Variants in CCNB1IP1 observed in about 807,000 individuals in gnomAD.
CCNB1IP1 encodes the protein cyclin B1 interacting protein 1.
CCNB1IP1 carries 14 observed loss-of-function variants against 25.6 expected under a neutral mutation model. The ratio of observed to expected loss-of-function variants is 0.55; its 90% CI spans 0.36 to 0.85. CCNB1IP1 has a LOEUF of 0.85. Among genes scored for constraint, CCNB1IP1 ranks in the 40% least tolerant of loss-of-function variants. The pLI is 0.01. For synonymous variants in CCNB1IP1, 119 were observed against 116.1 expected (o/e 1.02, Z -0.16); for missense variants, 278 against 342.4 (o/e 0.81, Z 1.48).
At chr14:20,312,344 A>G (rs3784243) in intron 6 of CCNB1IP1, among the ~76,000 whole-genome samples, 9,700 of 152,116 alleles carry the variant, frequency 0.064, 450 homozygotes, top group East Asian at 0.14. Flanking sequence ...TTATTCTTAT[A>G]TCTGATATTC....
intron 4 of CCNB1IP1, among the ~76,000 whole-genome samples, chr14:20,325,143 C>A (rs1017130167): frequency 2.0e-5 from 3 of 146,780 alleles, no homozygotes; most frequent in Non-Finnish European, 4.5e-5. Flanking sequence ...GAAATTTAGC[C>A]GGGCGCGGTG....
At chr14:20,327,846 G>A (rs1228481586) in intron 2 of CCNB1IP1, among the ~76,000 whole-genome samples, 4 of 152,118 alleles carry the variant, frequency 2.6e-5, no homozygotes, top group Admixed American at 2.6e-4. Context: ...GTCAAGGAAG[G>A]CTTCATGAAG....
At chr14:20,332,026 A>ATATATATATATATTTTTTTT (rs59034398) in intron 1 of CCNB1IP1, among the ~76,000 whole-genome samples, 1 of 40,750 alleles carries the variant, frequency 2.5e-5, no homozygotes, top group African/African-American at 8.7e-5. Flanking sequence ...ATATATATAT[A>ATATATATATATATTTTTTTT]TTTTTTTTTT....
Position 20,311,477 on chromosome 14 carries a change from T to G in CCNB1IP1, c.*73A>C. On this transcript the variant is annotated 3_prime_UTR_variant, in exon 7 of 7. Transcript: ENST00000358932. ...TTAGATCACTAAAGCCTCAGACTCC[T>G]GGGCTCAAGTGATCCTCCCAGCCTC... 7.6e-7 allele frequency: 1 copy of G among 1,317,490 alleles called. No individual in the cohort carries two copies. The highest frequency in any genetic ancestry group is 1.2e-5 in the South Asian group (1 of 83,964). 81.6% of individuals were successfully genotyped at this position (1,317,490 alleles called of 1,614,324 possible).
intron 5 of CCNB1IP1, chr14:20,315,590 A>G: frequency 1.6e-6 from 2 of 1,285,674 alleles, no homozygotes; most frequent in Non-Finnish European, 1.0e-6. Flanking sequence ...GCTTAAAGTC[A>G]TCCACAGGGA....
At chr14:20,327,124 G>A (rs935876002) in intron 2 of CCNB1IP1, among the ~76,000 whole-genome samples, 1 of 151,686 alleles carries the variant, frequency 6.6e-6, no homozygotes, top group Non-Finnish European at 1.5e-5. Flanking sequence ...AAACCGAGCA[G>A]GACCCCTACA....
chr14:20,332,451 G>A (rs1883281577), intron 1 of CCNB1IP1, among the ~76,000 whole-genome samples: 1 of 152,044 alleles, frequency 6.6e-6, no homozygotes, highest in African/African-American at 2.4e-5. Flanking sequence ...AAATAAATAA[G>A]TACTGCTTAC....
rs1157371792 is a variant in CCNB1IP1, at chr14:20,316,370, T to C, written c.154A>G (p.Asn52Asp). The C allele has an allele frequency of 1.5e-5, 24 of 1,613,988 alleles. No individual in the cohort carries two copies. The highest frequency in any genetic ancestry group is 1.9e-5 in the Non-Finnish European group (23 of 1,179,874). Residue 52 changes from asparagine (N) to aspartate (D), a missense_variant, in exon 5 of 7, where the codon AAC becomes GAC. Coordinates refer to ENST00000358932, the MANE Select transcript of CCNB1IP1 (RefSeq NM_021178.5). Reference sequence around the variant, plus strand: ...TCTAGCTTTCCAGAAAGGGTACTGTTGCAGGCAGGACAGATAGCTGGTGAG... The same window carrying C: ...TCTAGCTTTCCAGAAAGGGTACTGTCGCAGGCAGGACAGATAGCTGGTGAG... ...SRSPAICPAC[N>D]STLSGKLDIV...
chr14:20,332,030 T>A (rs868862233), intron 1 of CCNB1IP1, among the ~76,000 whole-genome samples: 2,335 of 71,192 alleles, frequency 0.033, 13 homozygotes, highest in East Asian at 0.062. Flanking sequence ...ATATATATTT[T>A]TTTTTTTTTT....
Position 20,311,421 on chromosome 14 carries a change from G to T in CCNB1IP1, c.*129C>A. On this transcript the variant is annotated 3_prime_UTR_variant, in exon 7 of 7. Transcript: ENST00000358932. ...TTTTTTAGAAACAGGGTCTCACTCTGTTGCCCAGGCTGGAGTGCAGTGGCA... is the reference window on the plus strand; with the variant it reads ...TTTTTTAGAAACAGGGTCTCACTCTTTTGCCCAGGCTGGAGTGCAGTGGCA... The T allele has an allele frequency of 1.4e-6, 1 of 705,222 alleles. No homozygotes were observed. Among genetic ancestry groups the T allele is most frequent in the Non-Finnish European group, 2.5e-6 (1 of 405,984 alleles). The allele number at this position is 705,222 out of a possible 1,614,324, so 43.7% of individuals were successfully genotyped here.
At chr14:20,325,265 CA>C (rs531092028) in intron 4 of CCNB1IP1, among the ~76,000 whole-genome samples, 7 of 151,080 alleles carry the variant, frequency 4.6e-5, no homozygotes, top group Middle Eastern at 3.4e-3. Context: ...ACTAAAAATA[CA>C]AAAAATTAGC....
intron 5 of CCNB1IP1, chr14:20,315,791 A>C: frequency 7.9e-7 from 1 of 1,264,150 alleles, no homozygotes; most frequent in South Asian, 1.3e-5. Flanking sequence ...CAAGTGAAGC[A>C]CAGGCTACTC....
intron 1 of CCNB1IP1, chr14:20,332,941 T>C (rs1883296552): frequency 6.6e-6 from 1 of 152,074 alleles, no homozygotes. Context: ...ATAATATCTT[T>C]CCCGCCAAGC....
intron 4 of CCNB1IP1, among the ~76,000 whole-genome samples, chr14:20,325,114 C>T (rs1233497251): frequency 1.3e-5 from 2 of 149,976 alleles, no homozygotes; most frequent in African/African-American, 4.9e-5. Context: ...CGCCTGGCCT[C>T]AACTGACTTT....
chr14:20,330,125 A>AAAAAAAAAAAC (rs1345596226), intron 1 of CCNB1IP1, among the ~76,000 whole-genome samples: 2 of 150,930 alleles, frequency 1.3e-5, no homozygotes, highest in African/African-American at 4.9e-5. Context: ...AAAACAAAAA[A>AAAAAAAAAAAC]CATGTCCTTT....
intron 4 of CCNB1IP1, among the ~76,000 whole-genome samples, chr14:20,319,873 G>T (rs1199245431): frequency 6.6e-6 from 1 of 152,174 alleles, no homozygotes; most frequent in Non-Finnish European, 1.5e-5. Flanking sequence ...GTATAGAAGA[G>T]CCCAATGCTA....
At position 20,313,573 on chromosome 14, in the gene CCNB1IP1, C is replaced by T. The variant is rs1392717564; in HGVS notation, c.526G>A (p.Gly176Ser). The T allele has an allele frequency of 6.2e-7, 1 of 1,614,050 alleles. No individual in the cohort carries two copies. The highest frequency in any genetic ancestry group is 1.3e-5 in the African/African-American group (1 of 74,924). Residue 176 changes from glycine (G) to serine (S), a missense_variant, in exon 6 of 7, where the codon GGC (glycine) becomes AGC (serine). Coordinates refer to ENST00000358932, the MANE Select transcript of CCNB1IP1 (RefSeq NM_021178.5). ...ERNRQYQKLQ[G>S]LYDSLRLRNI... ...CGTAGCCTAAGGCTATCATAGAGGC[C>T]TTGGAGCTTTTGATACTGACGATTG...
At chr14:20,323,224 G>C (rs1007305383) in intron 4 of CCNB1IP1, 4 of 152,096 alleles carry the variant, frequency 2.6e-5, no homozygotes, top group African/African-American at 9.7e-5. Flanking sequence ...CGGACAGCCA[G>C]CCCATCCTCA....
intron 4 of CCNB1IP1, chr14:20,323,066 A>G (rs8003943): frequency 0.95 from 144,786 of 152,312 alleles, 68,910 homozygotes; most frequent in East Asian, 1. Flanking sequence ...ATTTCACAGC[A>G]CCAGATGACA....
Sources: gnomAD v4.1 joint callset for allele counts (sites outside exome capture counted in the v4.1 genomes callset) on GRCh38, gnomAD v4.1.1 for gene constraint, MANE v1.5 for transcripts, NCBI Gene and HGNC (gene_info 2026-07-23, HGNC 2026-07-21) for gene names.